ADAMTS6: variants seen among roughly 807,000 people sequenced by gnomAD.
ADAMTS6 encodes A disintegrin and metalloproteinase with thrombospondin motifs 6.
A neutral mutation model predicts 144.3 loss-of-function variants in ADAMTS6; 23 were observed. That is an observed-to-expected ratio of 0.16 (90% CI 0.11 to 0.23). The LOEUF (loss-of-function observed/expected upper bound fraction) is 0.23, where lower values mean the gene tolerates loss of function less well. Among genes scored for constraint, ADAMTS6 ranks in the 10% least tolerant of loss-of-function variants. The pLI, the probability that ADAMTS6 is intolerant of heterozygous loss-of-function variation, is 1.00. For missense variants in ADAMTS6, 999 were observed against 1,379.6 expected, an observed-to-expected ratio of 0.72 and a Z score of 4.37; for synonymous variants, 444 against 457.5, an observed-to-expected ratio of 0.97 and a Z score of 0.38.
Position 65,367,124 on chromosome 5 carries a change from C to T in ADAMTS6, c.1074-33039G>A, listed in dbSNP as rs1750373755. The stretch of plus-strand genomic sequence containing the variant: ...GTACTGAAATGAATATTCCCATGAT[C>T]AAATTGAATTAAAAACTAAAAAACT... On this transcript the variant is annotated intron_variant, in intron 7 of 24. Transcript: ENST00000381055. 2.0e-5 allele frequency among the ~76,000 whole-genome samples: 3 copies of T among 152,254 alleles called. No individual in the cohort carries two copies. The South Asian group carries it at 6.2e-4, about 32-fold the overall frequency.
At chr5:65,166,977 A>G (rs1041909806) in intron 24 of ADAMTS6, among the ~76,000 whole-genome samples, 1 of 145,880 alleles carries the variant, frequency 6.9e-6, no homozygotes, top group Non-Finnish European at 1.5e-5. Context: ...AAAGAACTAG[A>G]AAAGCAAGAG....
chr5:65,233,936 G>A (rs1281633121), intron 15 of ADAMTS6, among the ~76,000 whole-genome samples: 3 of 151,882 alleles, frequency 2.0e-5, no homozygotes, highest in Non-Finnish European at 4.4e-5. Flanking sequence ...CAGATAAGTA[G>A]AGCAATGGGA....
chr5:65,195,565 G>T (rs1671756628), intron 21 of ADAMTS6, among the ~76,000 whole-genome samples: 1 of 152,136 alleles, frequency 6.6e-6, no homozygotes, highest in Non-Finnish European at 1.5e-5. Context: ...AGTTCAAAAG[G>T]CATTATTGCT....
intron 21 of ADAMTS6, among the ~76,000 whole-genome samples, chr5:65,188,700 T>G (rs1754820448): frequency 1.3e-5 from 2 of 152,150 alleles, no homozygotes; most frequent in Admixed American, 6.5e-5. Context: ...CTTGATATAC[T>G]AAAGGTGAAC....
chr5:65,334,357 G>A (rs1291802203), intron 7 of ADAMTS6, among the ~76,000 whole-genome samples: 1 of 152,156 alleles, frequency 6.6e-6, no homozygotes, highest in Non-Finnish European at 1.5e-5. Flanking sequence ...TCCATAAAAC[G>A]ATCTGCCATA....
intron 9 of ADAMTS6, among the ~76,000 whole-genome samples, chr5:65,314,147 T>G (rs7710950): frequency 1.3e-5 from 2 of 151,852 alleles, no homozygotes; most frequent in Non-Finnish European, 2.9e-5. Context: ...AAGAGATAGA[T>G]AATTAATGTG....
At chr5:65,441,997 T>C (rs1471311649) in intron 7 of ADAMTS6, among the ~76,000 whole-genome samples, 2 of 151,596 alleles carry the variant, frequency 1.3e-5, no homozygotes. Context: ...AGGTCTCAAA[T>C]TAATGACACA....
chr5:65,452,635 C>A, intron 5 of ADAMTS6, 72 bp downstream of exon 5: 2 of 1,524,232 alleles, frequency 1.3e-6, no homozygotes, highest in African/African-American at 1.4e-5. Context: ...TACTTCACAG[C>A]AAAAATTTAT....
At chr5:65,189,272 TG>T (rs1378433885) in intron 21 of ADAMTS6, among the ~76,000 whole-genome samples, 1 of 152,204 alleles carries the variant, frequency 6.6e-6, no homozygotes, top group African/African-American at 2.4e-5. Context: ...TTCACTCTTC[TG>T]GACACATTAA....
chr5:65,207,632 T>C (rs965989935), intron 20 of ADAMTS6, among the ~76,000 whole-genome samples: 1 of 152,246 alleles, frequency 6.6e-6, no homozygotes, highest in Non-Finnish European at 1.5e-5. Context: ...AAAATTATCA[T>C]GAATATTGCT....
intron 7 of ADAMTS6, among the ~76,000 whole-genome samples, chr5:65,361,703 T>G (rs1469032183): frequency 6.6e-6 from 1 of 152,136 alleles, no homozygotes; most frequent in Non-Finnish European, 1.5e-5. Context: ...GGGTGAAAGT[T>G]ATTTTTACTA....
chr5:65,293,907 A>G (rs1306961358), intron 10 of ADAMTS6, among the ~76,000 whole-genome samples: 1 of 152,238 alleles, frequency 6.6e-6, no homozygotes, highest in African/African-American at 2.4e-5. Context: ...AGAATAAAAC[A>G]CCATATGAAA....
At chr5:65,405,095 T>G (rs1298500942) in intron 7 of ADAMTS6, among the ~76,000 whole-genome samples, 1 of 152,222 alleles carries the variant, frequency 6.6e-6, no homozygotes, top group African/African-American at 2.4e-5. Flanking sequence ...TTCTGTAGGC[T>G]GCCTGTTCAC....
chr5:65,479,586 C>A (rs1194319863), intron 1 of ADAMTS6, among the ~76,000 whole-genome samples: 1 of 152,136 alleles, frequency 6.6e-6, no homozygotes, highest in Non-Finnish European at 1.5e-5. Context: ...CCCACTACCC[C>A]CAACACATAT....
At position 65,332,765 on chromosome 5, in the gene ADAMTS6, C is replaced by T. The variant is rs187064929; in HGVS notation, c.1117+1277G>A. On this transcript the variant is annotated intron_variant, in intron 8 of 24. Coordinates refer to ENST00000381055, the MANE Select transcript of ADAMTS6 (RefSeq NM_197941.4). ...TTGTTAGTTCCCAGTTCAGAGTCCC[C>T]TCTGTTGGATTATGTTGGTCTTGTT... Among the ~76,000 whole-genome samples the T allele has an allele frequency of 7.9e-3, 1,205 of 152,168 alleles. 13 individuals are homozygous for T. The highest frequency in any genetic ancestry group is 0.027 in the African/African-American group (1,137 of 41,538).
chr5:65,162,615 G>C (rs1288287389), intron 24 of ADAMTS6, among the ~76,000 whole-genome samples: 1 of 98,068 alleles, frequency 1.0e-5, no homozygotes, highest in African/African-American at 4.0e-5. Context: ...GATTATATAA[G>C]ATACTACACA....
intron 24 of ADAMTS6, among the ~76,000 whole-genome samples, chr5:65,157,608 T>C (rs1196733751): frequency 3.3e-5 from 5 of 152,236 alleles, no homozygotes; most frequent in African/African-American, 1.2e-4. Context: ...TGAAGAGTTA[T>C]GACTTAAGCA....
At chr5:65,154,351 G>A (rs923285944) in intron 24 of ADAMTS6, among the ~76,000 whole-genome samples, 1 of 152,212 alleles carries the variant, frequency 6.6e-6, no homozygotes, top group Non-Finnish European at 1.5e-5. Context: ...TAGCCTGTGG[G>A]CAGGCTGGAG....
intron 21 of ADAMTS6, among the ~76,000 whole-genome samples, chr5:65,190,421 T>C (rs919724725): frequency 1.4e-4 from 21 of 152,166 alleles, no homozygotes; most frequent in African/African-American, 4.3e-4. Context: ...ATGCCAGCCA[T>C]AGTGAAACTC....
Sources: allele counts gnomAD v4.1 joint callset (sites outside exome capture counted in the v4.1 genomes callset), GRCh38; gene constraint gnomAD v4.1.1; transcripts MANE v1.5; gene names NCBI Gene and HGNC (gene_info 2026-07-23, HGNC 2026-07-21).